Variants in NEK11 observed in about 807,000 individuals in gnomAD.
The protein encoded by NEK11 is NIMA related kinase 11.
NEK11 carries 72 observed loss-of-function variants against 80.7 expected under a neutral mutation model. That is an observed-to-expected ratio of 0.89 (90% CI 0.74 to 1.08). The LOEUF is 1.08. Among genes scored for constraint, NEK11 ranks in the 50% least tolerant of loss-of-function variants. The pLI, the probability that NEK11 is intolerant of heterozygous loss-of-function variation, is 0.00. For synonymous variants in NEK11, 251 were observed against 260.7 expected (o/e 0.96, Z 0.36); for missense variants, 764 against 763.6 (o/e 1.00, Z -0.01).
chr3:131,223,440 G>A (rs537640946), intron 14 of NEK11, among the ~76,000 whole-genome samples: 2 of 152,236 alleles, frequency 1.3e-5, no homozygotes, highest in East Asian at 3.9e-4. Context: ...AGAGGGAAAG[G>A]GACTAAGGCT....
chr3:131,312,043 C>T (rs1367073299), intron 17 of NEK11, among the ~76,000 whole-genome samples: 1 of 152,152 alleles, frequency 6.6e-6, no homozygotes, highest in Non-Finnish European at 1.5e-5. Flanking sequence ...GCCACAGTCA[C>T]CCAAGAAGAC....
chr3:131,047,900 G>C (rs2067664574), intron 3 of NEK11, among the ~76,000 whole-genome samples: 1 of 152,174 alleles, frequency 6.6e-6, no homozygotes, highest in Non-Finnish European at 1.5e-5. Context: ...CATTAGGTTG[G>C]GGCAAGGTTA....
intron 14 of NEK11, among the ~76,000 whole-genome samples, chr3:131,190,984 G>C (rs1423792062): frequency 6.6e-6 from 1 of 152,162 alleles, no homozygotes; most frequent in Middle Eastern, 3.4e-3. Context: ...GAAACACATA[G>C]CCAATAAAAG....
At chr3:131,155,154 C>A in intron 10 of NEK11, 33 bp downstream of exon 10, 1 of 1,339,998 alleles carries the variant, frequency 7.5e-7, no homozygotes, top group Non-Finnish European at 1.1e-6. Flanking sequence ...AAAAGCCCAT[C>A]GAGTGTAAAT....
intron 2 of NEK11, among the ~76,000 whole-genome samples, chr3:131,028,666 A>G (rs1312684065): frequency 6.6e-6 from 1 of 151,972 alleles, no homozygotes; most frequent in East Asian, 1.9e-4. Flanking sequence ...GGTTCACGCT[A>G]TTCTCCTGCC....
intron 3 of NEK11, among the ~76,000 whole-genome samples, chr3:131,031,202 G>T (rs2064791028): frequency 6.6e-6 from 1 of 152,170 alleles, no homozygotes. Flanking sequence ...ATTTTTAAAA[G>T]CTGTAATTAT....
chr3:131,220,756 T>G (rs193025668), intron 14 of NEK11, among the ~76,000 whole-genome samples: 1 of 152,180 alleles, frequency 6.6e-6, no homozygotes, highest in African/African-American at 2.4e-5. Context: ...TGATTAGATA[T>G]GCAGAGAGAG....
At chr3:131,154,804 G>T (rs2090365810) in intron 9 of NEK11, 2 of 453,318 alleles carry the variant, frequency 4.4e-6, no homozygotes, top group Non-Finnish European at 8.0e-6. Flanking sequence ...GAGTGAGAGA[G>T]CAAGCAGTGC....
chr3:131,052,457 G>C (rs1198000929), intron 3 of NEK11, among the ~76,000 whole-genome samples: 2 of 152,064 alleles, frequency 1.3e-5, no homozygotes, highest in African/African-American at 4.8e-5. Flanking sequence ...CATTCCAGGG[G>C]TTTGAATTTA....
At chr3:131,348,390 T>C (rs2097398577) in intron 17 of NEK11, among the ~76,000 whole-genome samples, 1 of 151,872 alleles carries the variant, frequency 6.6e-6, no homozygotes, top group African/African-American at 2.4e-5. Flanking sequence ...ATCCACCAAC[T>C]TGAATGCCCT....
chr3:131,336,456 C>T (rs2097185885), intron 17 of NEK11, among the ~76,000 whole-genome samples: 1 of 152,132 alleles, frequency 6.6e-6, no homozygotes, highest in South Asian at 2.1e-4. Context: ...ACACCTTATA[C>T]AAAAATTAAT....
chr3:131,210,574 G>A (rs1211621689), intron 14 of NEK11, among the ~76,000 whole-genome samples: 1 of 152,176 alleles, frequency 6.6e-6, no homozygotes, highest in Non-Finnish European at 1.5e-5. Flanking sequence ...ACAGTGGGGT[G>A]TTAAAGTCTC....
intron 3 of NEK11, among the ~76,000 whole-genome samples, chr3:131,030,785 T>C (rs546069546): frequency 1.2e-4 from 19 of 152,222 alleles, no homozygotes; most frequent in Non-Finnish European, 2.4e-4. Context: ...AGAAAAACTC[T>C]TAATAGCTTC....
intron 4 of NEK11, among the ~76,000 whole-genome samples, chr3:131,088,446 A>G (rs2076300430): frequency 1.3e-5 from 2 of 152,204 alleles, no homozygotes; most frequent in African/African-American, 2.4e-5. Context: ...AAAGAAATGC[A>G]CTAATGCACT....
intron 3 of NEK11, among the ~76,000 whole-genome samples, chr3:131,077,400 C>A (rs1342529618): frequency 6.6e-6 from 1 of 152,134 alleles, no homozygotes; most frequent in Admixed American, 6.5e-5. Context: ...TCCGCATCAG[C>A]TAGAGAGATT....
intron 14 of NEK11, among the ~76,000 whole-genome samples, chr3:131,193,795 A>C (rs1300036564): frequency 1.3e-5 from 2 of 152,196 alleles, no homozygotes; most frequent in African/African-American, 4.8e-5. Context: ...GATGAAGTAC[A>C]ATCATTTACT....
intron 14 of NEK11, among the ~76,000 whole-genome samples, chr3:131,202,156 G>T (rs749257502): frequency 5.3e-5 from 8 of 152,246 alleles, no homozygotes; most frequent in Non-Finnish European, 1.0e-4. Flanking sequence ...AACAGCTCTG[G>T]TTTGCAGGTC....
intron 7 of NEK11, among the ~76,000 whole-genome samples, chr3:131,140,223 G>T (rs1046419130): frequency 9.2e-5 from 14 of 152,094 alleles, no homozygotes; most frequent in Non-Finnish European, 7.4e-5. Flanking sequence ...GATTTTGCTT[G>T]GTTCTCTTGA....
Position 131,108,455 on chromosome 3 carries a change from A to G in NEK11, c.337-1348A>G, listed in dbSNP as rs527951732. The stretch of plus-strand genomic sequence containing the variant: ...CAAAGACTAAACACAGTTAACATTG[A>G]ATCCATCCTTTTCTTTAGAGGAACA... On this transcript the variant is annotated intron_variant, in intron 4 of 17. Coordinates refer to ENST00000383366, the MANE Select transcript of NEK11 (RefSeq NM_024800.5). 3.9e-5 allele frequency among the ~76,000 whole-genome samples: 6 copies of G among 152,264 alleles called. No individual in the cohort carries two copies. The South Asian group carries it at 1.2e-3, about 32-fold the overall frequency.
Sources: gnomAD v4.1 joint callset for allele counts (sites outside exome capture counted in the v4.1 genomes callset) on GRCh38, gnomAD v4.1.1 for gene constraint, MANE v1.5 for transcripts, NCBI Gene and HGNC (gene_info 2026-07-23, HGNC 2026-07-21) for gene names.